ILRUN: variants seen among roughly 807,000 people sequenced by gnomAD.
The protein encoded by ILRUN is inflammation and lipid regulator with UBA-like and NBR1-like domains.
Under a neutral mutation model 33.8 loss-of-function variants are expected in ILRUN, and 3 were observed. The observed-to-expected ratio is 0.09, with a 90% CI of 0.04 to 0.23. The LOEUF (loss-of-function observed/expected upper bound fraction) is 0.23, where lower values mean the gene tolerates loss of function less well. Among genes scored for constraint, ILRUN ranks in the 10% least tolerant of loss-of-function variants. ILRUN has a pLI of 1.00. For synonymous variants in ILRUN, 124 were observed against 138.9 expected (o/e 0.89, Z 0.75); for missense variants, 210 against 375.1 (o/e 0.56, Z 3.64).
intron 1 of ILRUN, among the ~76,000 whole-genome samples, chr6:34,666,586 C>A (rs1209769899): frequency 6.6e-6 from 1 of 152,024 alleles, no homozygotes; most frequent in African/African-American, 2.4e-5. Context: ...GAGCTATATA[C>A]TTACAAATAG....
intron 1 of ILRUN, among the ~76,000 whole-genome samples, chr6:34,677,194 G>C (rs561273120): frequency 6.6e-6 from 1 of 151,866 alleles, no homozygotes; most frequent in African/African-American, 2.4e-5. Flanking sequence ...GTAATCCCAG[G>C]TACCAGGGAG....
chr6:34,661,091 T>A (rs1017268044), intron 1 of ILRUN, among the ~76,000 whole-genome samples: 1 of 152,222 alleles, frequency 6.6e-6, no homozygotes, highest in African/African-American at 2.4e-5. Flanking sequence ...TTTTATTACT[T>A]TTAAGAACTG....
At chr6:34,635,577 G>A (rs868849481) in intron 3 of ILRUN, among the ~76,000 whole-genome samples, 2 of 142,234 alleles carry the variant, frequency 1.4e-5, no homozygotes, top group African/African-American at 5.2e-5. Context: ...GGGAGGGAGG[G>A]AGGGAGGGAG....
chr6:34,597,192 T>C (rs1013061972), intron 4 of ILRUN, among the ~76,000 whole-genome samples: 1 of 152,156 alleles, frequency 6.6e-6, no homozygotes, highest in African/African-American at 2.4e-5. Context: ...TACGTGGAGG[T>C]AGAGGATCCT....
intron 3 of ILRUN, among the ~76,000 whole-genome samples, chr6:34,623,559 CA>C: frequency 6.6e-6 from 1 of 151,876 alleles, no homozygotes; most frequent in Non-Finnish European, 1.5e-5. Context: ...AGCACTACCA[CA>C]AAAAAACGTA....
At chr6:34,610,023 T>C (rs951668967) in intron 3 of ILRUN, among the ~76,000 whole-genome samples, 1 of 151,756 alleles carries the variant, frequency 6.6e-6, no homozygotes, top group South Asian at 2.1e-4. Flanking sequence ...TAGCCAGGCA[T>C]GGTGGCGGGC....
intron 3 of ILRUN, among the ~76,000 whole-genome samples, chr6:34,623,745 CAT>C (rs1374742123): frequency 1.6e-4 from 25 of 152,180 alleles, no homozygotes; most frequent in Non-Finnish European, 3.4e-4. Flanking sequence ...TTAAATATAA[CAT>C]TGGATAAAAA....
At chr6:34,680,354 C>CA (rs34804997) in intron 1 of ILRUN, among the ~76,000 whole-genome samples, 1 of 152,140 alleles carries the variant, frequency 6.6e-6, no homozygotes. Flanking sequence ...ATACATATAA[C>CA]AAAAGGTTAA....
At chr6:34,679,360 T>C in intron 1 of ILRUN, among the ~76,000 whole-genome samples, 1 of 152,202 alleles carries the variant, frequency 6.6e-6, no homozygotes, top group Non-Finnish European at 1.5e-5. Flanking sequence ...TTAAAAGCCA[T>C]GTTTATATTT....
At chr6:34,696,253 TC>T (rs1763770099) in intron 1 of ILRUN, 192 bp downstream of exon 1, 7 of 565,962 alleles carry the variant, frequency 1.2e-5, no homozygotes, top group South Asian at 4.8e-5. Flanking sequence ...GGTCCCTAAC[TC>T]TCCTTTAGCC....
Position 34,614,743 on chromosome 6 carries a change from G to A in ILRUN, c.512-7839C>T, listed in dbSNP as rs78321239. Among the ~76,000 whole-genome samples the A allele has an allele frequency of 3.0e-3, 458 of 151,914 alleles. 1 individual carries two copies. Among genetic ancestry groups the A allele is most frequent in the Middle Eastern group, 0.01 (3 of 294 alleles). ...AGTAACTCTACAATAGAAAAACCTGGCAAACATACTACTTAACCAAGTGAT... is the reference window on the plus strand; with the variant it reads ...AGTAACTCTACAATAGAAAAACCTGACAAACATACTACTTAACCAAGTGAT... On this transcript the variant is annotated intron_variant, in intron 3 of 4. Transcript: ENST00000374023.
In ILRUN at chr6:34,666,584, T is replaced by C. The variant is rs193126517; in HGVS notation, c.159-11805A>G. Among the ~76,000 whole-genome samples the C allele has an allele frequency of 2.4e-3, 372 of 152,136 alleles. 1 individual carries two copies. Among genetic ancestry groups the C allele is most frequent in the African/African-American group, 8.5e-3 (352 of 41,508 alleles). On this transcript the variant is annotated intron_variant, in intron 1 of 4. Transcript: ENST00000374023. The stretch of plus-strand genomic sequence containing the variant: ...CATCTCAAAAAAAAGAAGAGCTATA[T>C]ACTTACAAATAGGGGGCTAAAACTA...
chr6:34,694,917 G>A (rs1455526912), intron 1 of ILRUN, among the ~76,000 whole-genome samples: 2 of 152,074 alleles, frequency 1.3e-5, no homozygotes, highest in Non-Finnish European at 2.9e-5. Flanking sequence ...CGGGCGAGGT[G>A]GTGTGCACCT....
intron 4 of ILRUN, among the ~76,000 whole-genome samples, chr6:34,591,133 G>T (rs1012493852): frequency 1.3e-5 from 2 of 152,150 alleles, no homozygotes; most frequent in African/African-American, 4.8e-5. Flanking sequence ...TAAAAGCCAG[G>T]TGAGTATTAT....
intron 4 of ILRUN, among the ~76,000 whole-genome samples, chr6:34,591,142 A>G (rs1006212363): frequency 6.6e-6 from 1 of 152,332 alleles, no homozygotes; most frequent in East Asian, 1.9e-4. Flanking sequence ...GGTGAGTATT[A>G]TAACACCTAT....
At chr6:34,606,461 G>T in intron 4 of ILRUN, 94 bp downstream of exon 4, 1 of 965,540 alleles carries the variant, frequency 1.0e-6, no homozygotes. Context: ...CCTCCTCTGG[G>T]GAGCGGCAGT....
intron 3 of ILRUN, among the ~76,000 whole-genome samples, chr6:34,618,362 T>C (rs1359971266): frequency 6.6e-6 from 1 of 152,230 alleles, no homozygotes; most frequent in African/African-American, 2.4e-5. Flanking sequence ...TAGTTTGCTA[T>C]AGCCATCTAT....
At chr6:34,613,989 C>T (rs1451327843) in intron 3 of ILRUN, among the ~76,000 whole-genome samples, 1 of 151,970 alleles carries the variant, frequency 6.6e-6, no homozygotes, top group Non-Finnish European at 1.5e-5. Flanking sequence ...AGAAAGTGGT[C>T]AAAGAACAAA....
intron 3 of ILRUN, among the ~76,000 whole-genome samples, chr6:34,641,022 T>G (rs1762464332): frequency 7.2e-6 from 1 of 138,936 alleles, no homozygotes; most frequent in South Asian, 2.2e-4. Flanking sequence ...GAGGTTGCAG[T>G]GAGCTGAGAT....
Sources: gnomAD v4.1 joint callset for allele counts (sites outside exome capture counted in the v4.1 genomes callset) on GRCh38, gnomAD v4.1.1 for gene constraint, MANE v1.5 for transcripts, NCBI Gene and HGNC (gene_info 2026-07-23, HGNC 2026-07-21) for gene names.